NRXN3: variants seen among roughly 807,000 people sequenced by gnomAD.
The protein encoded by NRXN3 is neurexin 3, also known as neurexin III.
Under a neutral mutation model 137.6 loss-of-function variants are expected in NRXN3, and 32 were observed. That is an observed-to-expected ratio of 0.23 (90% CI 0.18 to 0.31). The LOEUF (loss-of-function observed/expected upper bound fraction) is 0.31, where lower values mean the gene tolerates loss of function less well. NRXN3 is among the 10% of genes least tolerant of loss of function. NRXN3 has a pLI of 1.00. For missense variants in NRXN3, 1,574 were observed against 2,062.5 expected (o/e 0.76, Z 4.59); for synonymous variants, 798 against 784.5 (o/e 1.02, Z -0.29).
At chr14:79,132,613 C>T (rs1020437323) in intron 15 of NRXN3, among the ~76,000 whole-genome samples, 2 of 152,098 alleles carry the variant, frequency 1.3e-5, no homozygotes, top group East Asian at 3.9e-4. Context: ...TGGCCTAGAT[C>T]GTTTATTAGC....
chr14:79,425,280 C>T (rs1423371015), intron 15 of NRXN3, among the ~76,000 whole-genome samples: 2 of 152,162 alleles, frequency 1.3e-5, no homozygotes, highest in Non-Finnish European at 2.9e-5. Context: ...ATACAAAGGA[C>T]TAGCTCGATC....
intron 8 of NRXN3, among the ~76,000 whole-genome samples, chr14:78,715,362 G>A (rs2098426481): frequency 6.6e-6 from 1 of 152,196 alleles, no homozygotes; most frequent in African/African-American, 2.4e-5. Flanking sequence ...AAATATTACT[G>A]TGATTATGAT....
chr14:79,263,723 T>A (rs2077998193), intron 15 of NRXN3, among the ~76,000 whole-genome samples: 1 of 152,184 alleles, frequency 6.6e-6, no homozygotes, highest in Non-Finnish European at 1.5e-5. Flanking sequence ...TCTTTGGACT[T>A]TTTTTCCAGA....
At chr14:78,848,383 C>T (rs2099033458) in intron 10 of NRXN3, among the ~76,000 whole-genome samples, 1 of 152,110 alleles carries the variant, frequency 6.6e-6, no homozygotes, top group South Asian at 2.1e-4. Flanking sequence ...TTTCCAAAGG[C>T]TCTGTGTCAG....
At chr14:78,968,496 G>A in intron 14 of NRXN3, 150 bp downstream of exon 14, 1 of 651,592 alleles carries the variant, frequency 1.5e-6, no homozygotes. Flanking sequence ...GTGTTCTCTT[G>A]TCACTGGTTT....
At chr14:79,045,305 A>T (rs2099631366) in intron 15 of NRXN3, among the ~76,000 whole-genome samples, 4 of 152,096 alleles carry the variant, frequency 2.6e-5, no homozygotes, top group Admixed American at 2.6e-4. Flanking sequence ...TTCTGCTCCA[A>T]ATTTATGACC....
chr14:78,344,203 T>G (rs1170877081), intron 4 of NRXN3, among the ~76,000 whole-genome samples: 1 of 152,200 alleles, frequency 6.6e-6, no homozygotes, highest in Non-Finnish European at 1.5e-5. Flanking sequence ...TTGTTAAAAA[T>G]GCACACACAT....
At chr14:79,444,220 A>C (rs556613458) in intron 15 of NRXN3, among the ~76,000 whole-genome samples, 102 of 152,224 alleles carry the variant, frequency 6.7e-4, no homozygotes, top group African/African-American at 2.4e-3. Flanking sequence ...TTGGGCTGAG[A>C]GTGTTGAGTC....
chr14:79,346,505 A>G (rs2092893402), intron 15 of NRXN3, among the ~76,000 whole-genome samples: 1 of 152,154 alleles, frequency 6.6e-6, no homozygotes, highest in East Asian at 1.9e-4. Flanking sequence ...CTTGCCAAAA[A>G]AAAGACCATT....
At chr14:79,777,952 T>G (rs900743166) in intron 19 of NRXN3, among the ~76,000 whole-genome samples, 1 of 152,078 alleles carries the variant, frequency 6.6e-6, no homozygotes, top group Non-Finnish European at 1.5e-5. Context: ...AAATGAGACC[T>G]TCTCTTGAAA....
At chr14:79,588,326 G>C (rs1041484375) in intron 16 of NRXN3, among the ~76,000 whole-genome samples, 1 of 152,150 alleles carries the variant, frequency 6.6e-6, no homozygotes, top group African/African-American at 2.4e-5. Context: ...TTTTAGAATT[G>C]CACTTTTGTT....
At chr14:78,779,195 T>A (rs150753461) in intron 8 of NRXN3, among the ~76,000 whole-genome samples, 4 of 152,200 alleles carry the variant, frequency 2.6e-5, no homozygotes, top group Admixed American at 2.6e-4. Context: ...AAAACAGATT[T>A]TTCTCAGGAG....
At position 79,767,127 on chromosome 14, in the gene NRXN3, A is replaced by T. The variant is rs61617531; in HGVS notation, c.4015-37985A>T. ...CTTCCCATTGCTCTTGGAGAAGACA[A>T]AATCCTTAATATGGCCTACAAGGTC... is the stretch of plus-strand genomic sequence containing the variant. On this transcript the variant is annotated intron_variant, in intron 19 of 20. Coordinates refer to ENST00000335750, the MANE Select transcript of NRXN3 (RefSeq NM_001330195.2). Among the ~76,000 whole-genome samples, 392 of 152,304 alleles carry T rather than the reference A, an allele frequency of 2.6e-3. 2 individuals are homozygous for T. The highest frequency in any genetic ancestry group is 8.8e-3 in the African/African-American group (367 of 41,552).
intron 15 of NRXN3, among the ~76,000 whole-genome samples, chr14:79,060,488 A>G (rs1302177237): frequency 2.0e-5 from 3 of 152,164 alleles, no homozygotes; most frequent in Non-Finnish European, 4.4e-5. Flanking sequence ...TATTCCTATG[A>G]TGGATGACTG....
chr14:79,741,056 A>C (rs2098961497), intron 19 of NRXN3, among the ~76,000 whole-genome samples: 1 of 151,960 alleles, frequency 6.6e-6, no homozygotes, highest in Non-Finnish European at 1.5e-5. Context: ...CACTATATTA[A>C]ATTCTTATAT....
chr14:79,059,190 A>G (rs1317281041), intron 15 of NRXN3, among the ~76,000 whole-genome samples: 1 of 151,010 alleles, frequency 6.6e-6, no homozygotes, highest in Admixed American at 6.6e-5. Flanking sequence ...CCTTATCACC[A>G]GCAGATCAAA....
chr14:78,380,509 A>G (rs7160764), intron 4 of NRXN3, among the ~76,000 whole-genome samples: 72,768 of 151,868 alleles, frequency 0.48, 17,827 homozygotes, highest in Middle Eastern at 0.58. Context: ...GTACACAGAC[A>G]CAAAGGAGAA....
intron 20 of NRXN3, among the ~76,000 whole-genome samples, chr14:79,821,330 C>A (rs1341941249): frequency 1.3e-5 from 2 of 152,078 alleles, no homozygotes; most frequent in African/African-American, 2.4e-5. Context: ...ACACTCTGTC[C>A]CCAGGGGCCA....
At chr14:78,586,055 C>G (rs922447685) in intron 4 of NRXN3, among the ~76,000 whole-genome samples, 3 of 152,174 alleles carry the variant, frequency 2.0e-5, no homozygotes, top group African/African-American at 7.2e-5. Flanking sequence ...AATTGTCAGA[C>G]AGTGACCAGA....
Sources: gnomAD v4.1 joint callset for allele counts (sites outside exome capture counted in the v4.1 genomes callset) on GRCh38, gnomAD v4.1.1 for gene constraint, MANE v1.5 for transcripts, NCBI Gene and HGNC (gene_info 2026-07-23, HGNC 2026-07-21) for gene names.